CRCP: variants seen among roughly 807,000 people sequenced by gnomAD.
CRCP encodes DNA-directed RNA polymerase III subunit RPC9.
In CRCP, 18 loss-of-function variants were observed where a neutral mutation model predicts 18.5. The observed-to-expected ratio is 0.97, with a 90% CI of 0.67 to 1.44. The LOEUF (loss-of-function observed/expected upper bound fraction) is 1.44. Among genes scored for constraint, CRCP ranks in the 40% most tolerant of loss-of-function variants. CRCP has a pLI of 0.00. For synonymous variants in CRCP, 53 were observed against 62.9 expected (o/e 0.84, Z 0.75); for missense variants, 130 against 176.4 (o/e 0.74, Z 1.49).
At chr7:66,128,301 A>ATTTAG (rs1787677483) in intron 2 of CRCP, among the ~76,000 whole-genome samples, 4 of 152,282 alleles carry the variant, frequency 2.6e-5, no homozygotes, top group Admixed American at 2.6e-4. Context: ...AACCTTCTCT[A>ATTTAG]AATCTCAACG....
intron 3 of CRCP, among the ~76,000 whole-genome samples, chr7:66,131,590 C>T (rs996182668): frequency 1.3e-5 from 2 of 151,972 alleles, no homozygotes; most frequent in East Asian, 1.9e-4. Context: ...GGAACTTACA[C>T]GCTTAAGGCT....
In CRCP at chr7:66,130,787, G is replaced by A. The variant is rs369190375; in HGVS notation, c.89G>A (p.Ser30Asn). Residue 30 changes from serine (S) to asparagine (N), a missense_variant, in exon 3 of 6, where the codon AGT (serine) becomes AAT (asparagine). Transcript: ENST00000395326. ...LTDLKEQRKE[S>N]GKNKHSSGQQ... ...GATCTGAAAGAGCAGCGTAAAGAAAGTGGAAAGAATAAACACAGCTCTGGG... is the reference window on the plus strand; with the variant it reads ...GATCTGAAAGAGCAGCGTAAAGAAAATGGAAAGAATAAACACAGCTCTGGG... 4 of 1,610,976 alleles carry A rather than the reference G, an allele frequency of 2.5e-6. No homozygotes were observed. The highest frequency in any genetic ancestry group is 2.7e-5 in the African/African-American group (2 of 74,868).
chr7:66,147,780 C>T (rs1162392524), intron 5 of CRCP, among the ~76,000 whole-genome samples: 1 of 152,094 alleles, frequency 6.6e-6, no homozygotes, highest in South Asian at 2.1e-4. Flanking sequence ...AAGCTGTGGC[C>T]GAACATGGTG....
At position 66,114,856 on chromosome 7, in the gene CRCP, C is replaced by A. The variant is rs768303871; in HGVS notation, c.-107C>A. The A allele has an allele frequency of 6.2e-7, 1 of 1,600,114 alleles. No individual in the cohort carries two copies. Among genetic ancestry groups the A allele is most frequent in the Non-Finnish European group, 8.6e-7 (1 of 1,169,256 alleles). ...GCAGCGCGGCGATCCCGGCGAGCACCTTGGCGCGCGGAGCTGGCACCTTGG... is the reference window on the plus strand; with the variant it reads ...GCAGCGCGGCGATCCCGGCGAGCACATTGGCGCGCGGAGCTGGCACCTTGG... On this transcript the variant is annotated 5_prime_UTR_variant, in exon 1 of 6. Transcript: ENST00000395326.
At chr7:66,122,126 A>G (rs1313736147) in intron 1 of CRCP, among the ~76,000 whole-genome samples, 3 of 152,206 alleles carry the variant, frequency 2.0e-5, no homozygotes, top group Non-Finnish European at 4.4e-5. Context: ...CTGTAATCCC[A>G]GCACTTTGGG....
intron 1 of CRCP, among the ~76,000 whole-genome samples, chr7:66,123,769 G>C (rs1787524240): frequency 6.6e-6 from 1 of 150,958 alleles, no homozygotes; most frequent in South Asian, 2.1e-4. Context: ...AAAAGGTGGG[G>C]GGGCCGGGCG....
chr7:66,149,035 G>A lies in CRCP; in HGVS notation c.298-3173G>A, dbSNP rs537359122. Among the ~76,000 whole-genome samples, 14 of 152,294 alleles carry A rather than the reference G, an allele frequency of 9.2e-5. No homozygotes were observed. In the South Asian group the frequency reaches 2.7e-3, roughly 29 times the overall value. On this transcript the variant is annotated intron_variant, in intron 5 of 5. Transcript: ENST00000395326. ...TTCAAGTTGCCATTTTTGGAGGTCG[G>A]CAACCCGGTTTGATGCTCCTGGGAT...
At chr7:66,132,309 A>T (rs147243210) in intron 3 of CRCP, among the ~76,000 whole-genome samples, 211 of 152,304 alleles carry the variant, frequency 1.4e-3, no homozygotes, top group African/African-American at 4.9e-3. Flanking sequence ...TGTCCCCATA[A>T]TGTCATTCAA....
chr7:66,117,242 T>C (rs1562756515), intron 1 of CRCP, among the ~76,000 whole-genome samples: 1 of 152,190 alleles, frequency 6.6e-6, no homozygotes, highest in Non-Finnish European at 1.5e-5. Context: ...TTTCCTTTTC[T>C]TGTGATGTAT....
At chr7:66,124,044 C>CAAAAA in intron 1 of CRCP, among the ~76,000 whole-genome samples, 1 of 13,526 alleles carries the variant, frequency 7.4e-5, no homozygotes. Flanking sequence ...GACTCCGTCT[C>CAAAAA]AAAAAAAAAA....
In CRCP at chr7:66,137,230, G is replaced by A. The variant is rs187726848; in HGVS notation, c.239+2856G>A. Among the ~76,000 whole-genome samples, 24 of 152,134 alleles carry A rather than the reference G, an allele frequency of 1.6e-4. 1 individual carries two copies. Among genetic ancestry groups the A allele is most frequent in the African/African-American group, 2.4e-4 (10 of 41,512 alleles). On this transcript the variant is annotated intron_variant, in intron 4 of 5. Coordinates refer to ENST00000395326, the MANE Select transcript of CRCP (RefSeq NM_014478.5). Reference sequence around the variant, plus strand: ...ATTTATACCTATTTCATAATTTTGCGTGCTATTGTAAATGGTGCTCATTTC... The same window carrying A: ...ATTTATACCTATTTCATAATTTTGCATGCTATTGTAAATGGTGCTCATTTC...
intron 1 of CRCP, among the ~76,000 whole-genome samples, chr7:66,122,354 G>A (rs940873182): frequency 1.5e-5 from 2 of 134,632 alleles, no homozygotes; most frequent in Middle Eastern, 5.2e-3. Flanking sequence ...CAGCCTGGGC[G>A]ACAGAGCAAG....
intron 5 of CRCP, 80 bp from the exon 6 acceptor site, chr7:66,152,128 G>A: frequency 6.5e-7 from 1 of 1,542,454 alleles, no homozygotes; most frequent in Non-Finnish European, 8.8e-7. Flanking sequence ...GCCGGGCTGA[G>A]ACCATGAGCA....
At chr7:66,126,909 C>T (rs1787632554) in intron 1 of CRCP, among the ~76,000 whole-genome samples, 1 of 151,102 alleles carries the variant, frequency 6.6e-6, no homozygotes, top group South Asian at 2.1e-4. Flanking sequence ...AAGTAACTTG[C>T]CTAGATTCAC....
intron 4 of CRCP, among the ~76,000 whole-genome samples, chr7:66,140,395 C>CTT (rs34069697): frequency 1.7e-4 from 24 of 142,872 alleles, no homozygotes; most frequent in South Asian, 1.1e-3. Flanking sequence ...CTTTTCTTTT[C>CTT]TTTTTTTTTT....
Position 66,152,657 on chromosome 7 carries a change from C to G in CRCP, c.*300C>G, listed in dbSNP as rs1436289497. 1 of 322,784 alleles carries G rather than the reference C, an allele frequency of 3.1e-6. No individual in the cohort carries two copies. The highest frequency in any genetic ancestry group is 5.9e-6 in the Non-Finnish European group (1 of 169,568). The allele number at this position is 322,784 out of a possible 1,614,324, so 20.0% of individuals were successfully genotyped here. A position where few individuals can be genotyped will look rare whatever the true frequency, so the allele number is the denominator to read the frequency against. On this transcript the variant is annotated 3_prime_UTR_variant, in exon 6 of 6. Transcript: ENST00000395326. ...CTTTGCCCCAGTTGTGGGGAGGTCTCTGTGCACAGCGGGGAAAATGCTTGT... is the reference window on the plus strand; with the variant it reads ...CTTTGCCCCAGTTGTGGGGAGGTCTGTGTGCACAGCGGGGAAAATGCTTGT...
rs1788271560 is a variant in CRCP at position 66,145,633 on chromosome 7, C to G, written c.297+133C>G. 3 of 843,876 alleles carry G rather than the reference C, an allele frequency of 3.6e-6. No individual in the cohort carries two copies. The East Asian group carries it at 8.1e-5, about 23-fold the overall frequency. The allele number at this position is 843,876 out of a possible 1,614,324, so 52.3% of individuals were successfully genotyped here. ...CTCCATTTCTTAAGGAAAAAGAGAC[C>G]TTGCCAGTTTGATCCTAGTTAGTGT... is the stretch of plus-strand genomic sequence containing the variant. On this transcript the variant is annotated intron_variant, in intron 5 of 5. Coordinates refer to ENST00000395326, the MANE Select transcript of CRCP (RefSeq NM_014478.5).
chr7:66,116,755 G>C (rs1445814839), intron 1 of CRCP, among the ~76,000 whole-genome samples: 1 of 152,072 alleles, frequency 6.6e-6, no homozygotes, highest in Admixed American at 6.6e-5. Flanking sequence ...TGAAAGTGCT[G>C]ATTAGCCCCT....
At chr7:66,115,060 C>A in intron 1 of CRCP, 90 bp downstream of exon 1, 1 of 1,542,050 alleles carries the variant, frequency 6.5e-7, no homozygotes, top group South Asian at 1.2e-5. Context: ...GGGGACTGGG[C>A]GACCCTCGTA....
Sources: allele counts gnomAD v4.1 joint callset (sites outside exome capture counted in the v4.1 genomes callset), GRCh38; gene constraint gnomAD v4.1.1; transcripts MANE v1.5; gene names NCBI Gene and HGNC (gene_info 2026-07-23, HGNC 2026-07-21).